The following ZBTB37 variants were observed in gnomAD, a reference collection of about 807,000 sequenced individuals.
ZBTB37 encodes the protein zinc finger and BTB domain-containing protein 37.
Under a neutral mutation model 37.7 loss-of-function variants are expected in ZBTB37, and 15 were observed. The ratio of observed to expected loss-of-function variants is 0.40; its 90% CI spans 0.27 to 0.61. The LOEUF (loss-of-function observed/expected upper bound fraction) is 0.61. Among genes scored for constraint, ZBTB37 ranks in the 20% least tolerant of loss-of-function variants. The pLI, the probability that ZBTB37 is intolerant of heterozygous loss-of-function variation, is 0.44. For synonymous variants in ZBTB37, 231 were observed against 220.6 expected (o/e 1.05, Z -0.42); for missense variants, 514 against 641.9 (o/e 0.80, Z 2.15).
intron 4 of ZBTB37, among the ~76,000 whole-genome samples, chr1:173,877,778 T>C (rs968140058): frequency 1.3e-5 from 2 of 152,140 alleles, no homozygotes; most frequent in African/African-American, 4.8e-5. Context: ...ATATGGTAAG[T>C]CTACTCACCA....
downstream of ZBTB37, chr1:173,889,799 A>G (rs561615486): frequency 1.3e-5 from 2 of 152,356 alleles, no homozygotes; most frequent in African/African-American, 4.8e-5. Context: ...TCTCAAATAC[A>G]TAAAGGTAAA....
At chr1:173,885,490 T>C in intron 4 of ZBTB37, 146 bp from the exon 5 acceptor site, 1 of 694,588 alleles carries the variant, frequency 1.4e-6, no homozygotes, top group Non-Finnish European at 2.4e-6. Flanking sequence ...GGTAATATCT[T>C]TACTTTTTGG....
rs1656559857 is a variant in ZBTB37, at chr1:173,885,244, A to C, written c.1024-392A>C. 2.0e-5 allele frequency among the ~76,000 whole-genome samples: 3 copies of C among 152,144 alleles called. No homozygotes were observed. In the South Asian group the frequency reaches 6.2e-4, roughly 32 times the overall value. On this transcript the variant is annotated intron_variant, in intron 4 of 4. Transcript: ENST00000427304. Reference sequence around the variant, plus strand: ...ACCCTGTCTCAAAACAAAAACAAAAACAGATAGTTCTGTTAGACCAGCACT... The same window carrying C: ...ACCCTGTCTCAAAACAAAAACAAAACCAGATAGTTCTGTTAGACCAGCACT...
exon 4 of ZBTB37, chr1:173,894,179 TAGTG>T (rs1656957787): frequency 2.0e-5 from 3 of 152,314 alleles, no homozygotes; most frequent in South Asian, 2.1e-4. Flanking sequence ...TTAGGTCTAA[TAGTG>T]AGTGAGGTAC....
chr1:173,870,222 G>T, exon 3 of ZBTB37: 1 of 1,600,818 alleles, frequency 6.2e-7, no homozygotes, highest in South Asian at 1.1e-5. Flanking sequence ...CCTCAGGCAC[G>T]ACCATGGAGA....
chr1:173,870,836 A>C, exon 3 of ZBTB37: 1 of 1,614,222 alleles, frequency 6.2e-7, no homozygotes, highest in South Asian at 1.1e-5. Context: ...CCAAGTTCTG[A>C]TGTAGAGAGC....
downstream of ZBTB37, chr1:173,891,594 G>A (rs887531173): frequency 3.3e-5 from 5 of 152,122 alleles, no homozygotes; most frequent in African/African-American, 1.2e-4. Context: ...TATACTCGAT[G>A]TGGGAAAAAT....
At chr1:173,896,783 A>G (rs548113894) in exon 4 of ZBTB37, 1 of 152,344 alleles carries the variant, frequency 6.6e-6, no homozygotes, top group East Asian at 1.9e-4. Flanking sequence ...ATAAAGTAAT[A>G]GAATCCTAAC....
exon 4 of ZBTB37, chr1:173,897,540 A>G (rs945780660): frequency 2.0e-5 from 3 of 152,232 alleles, no homozygotes; most frequent in African/African-American, 7.2e-5. Flanking sequence ...TGGGATAGGT[A>G]TACTGTTGCT....
intron 4 of ZBTB37, among the ~76,000 whole-genome samples, chr1:173,876,205 C>A (rs542790384): frequency 2.2e-4 from 33 of 151,800 alleles, no homozygotes; most frequent in Non-Finnish European, 4.7e-4. Context: ...AAATTGTGAA[C>A]ATTTTTGCCT....
intron 3 of ZBTB37, among the ~76,000 whole-genome samples, chr1:173,872,852 C>T (rs1655667127): frequency 1.3e-5 from 2 of 151,572 alleles, no homozygotes; most frequent in Admixed American, 1.3e-4. Flanking sequence ...ACTAAAAATA[C>T]AAAAATTAGC....
chr1:173,877,783 T>G (rs1025678889), intron 4 of ZBTB37, among the ~76,000 whole-genome samples: 47 of 152,196 alleles, frequency 3.1e-4, no homozygotes, highest in Non-Finnish European at 4.7e-4. Flanking sequence ...GTAAGTCTAC[T>G]CACCAGTTTT....
upstream of ZBTB37, chr1:173,868,256 GCAA>G (rs1655125578): frequency 1.6e-5 from 2 of 126,542 alleles, no homozygotes; most frequent in African/African-American, 2.6e-5. Flanking sequence ...GGGGCGCGAG[GCAA>G]GGAAAGCTCT....
intron 2 of ZBTB37, 72 bp downstream of exon 2, chr1:173,869,192 C>G (rs181810124): frequency 6.6e-6 from 1 of 152,260 alleles, no homozygotes; most frequent in African/African-American, 2.4e-5. Context: ...GTTGTTAATG[C>G]GGGGCAGTAC....
intron 3 of ZBTB37, among the ~76,000 whole-genome samples, chr1:173,872,850 TA>T (rs1655666980): frequency 6.6e-6 from 1 of 151,230 alleles, no homozygotes; most frequent in Non-Finnish European, 1.5e-5. Flanking sequence ...CTACTAAAAA[TA>T]CAAAAATTAG....
chr1:173,890,775 T>TA (rs1656811270), downstream of ZBTB37: 1 of 152,202 alleles, frequency 6.6e-6, no homozygotes, highest in Admixed American at 6.5e-5. Context: ...GGGCCACACT[T>TA]ACTTGTTTAG....
chr1:173,881,372 G>C (rs1656294383), intron 4 of ZBTB37, among the ~76,000 whole-genome samples: 1 of 152,162 alleles, frequency 6.6e-6, no homozygotes, highest in Non-Finnish European at 1.5e-5. Context: ...ATTTGGATTG[G>C]TTCCAAGTCT....
chr1:173,884,277 C>G (rs57006357), intron 4 of ZBTB37, among the ~76,000 whole-genome samples: 2,113 of 151,818 alleles, frequency 0.014, 54 homozygotes, highest in African/African-American at 0.049. Context: ...TCAGCCTTCC[C>G]AAGGAGCTGG....
At chr1:173,894,034 T>C (rs1011905822) in exon 4 of ZBTB37, 1 of 152,206 alleles carries the variant, frequency 6.6e-6, no homozygotes, top group African/African-American at 2.4e-5. Context: ...AGTACTGCTT[T>C]TTGTGAATGT....
Sources: allele counts gnomAD v4.1 joint callset (sites outside exome capture counted in the v4.1 genomes callset), GRCh38; gene constraint gnomAD v4.1.1; transcripts MANE v1.5; gene names NCBI Gene and HGNC (gene_info 2026-07-23, HGNC 2026-07-21).